The following HADHA variants were observed in gnomAD, a reference collection of about 807,000 sequenced individuals.
HADHA encodes the protein trifunctional enzyme subunit alpha, mitochondrial.
A neutral mutation model predicts 91.3 loss-of-function variants in HADHA; 59 were observed. The observed-to-expected ratio is 0.65, with a 90% CI of 0.52 to 0.80. HADHA has a LOEUF of 0.80. Among genes scored for constraint, HADHA ranks in the 30% least tolerant of loss-of-function variants. The pLI is 0.00. For missense variants in HADHA, 800 were observed against 927.6 expected, an observed-to-expected ratio of 0.86 and a Z score of 1.79; for synonymous variants, 320 against 338.9, an observed-to-expected ratio of 0.94 and a Z score of 0.61.
chr2:26,224,539 G>C (rs1456758555), intron 7 of HADHA, among the ~76,000 whole-genome samples: 1 of 152,072 alleles, frequency 6.6e-6, no homozygotes, highest in Admixed American at 6.5e-5. Flanking sequence ...ATCCATAATG[G>C]TTAACTTTAT....
chr2:26,239,022 A>G lies in HADHA; in HGVS notation c.110-18T>C. The G allele has an allele frequency of 1.3e-6, 2 of 1,589,278 alleles. No homozygotes were observed. Among genetic ancestry groups the G allele is most frequent in the Non-Finnish European group, 1.7e-6 (2 of 1,157,376 alleles). Reference sequence around the variant, plus strand: ...GGTTCTGGCTAAAAAGAAAAGAAAGATTTATTTGTAAACATATTTATTGCA... The same window carrying G: ...GGTTCTGGCTAAAAAGAAAAGAAAGGTTTATTTGTAAACATATTTATTGCA... On this transcript the variant is annotated intron_variant, in intron 2 of 19. Transcript: ENST00000380649.
At chr2:26,206,914 T>C (rs1669984361) in intron 11 of HADHA, among the ~76,000 whole-genome samples, 1 of 152,118 alleles carries the variant, frequency 6.6e-6, no homozygotes, top group Non-Finnish European at 1.5e-5. Flanking sequence ...ACCATAAGTA[T>C]AGGCCAGGCA....
intron 14 of HADHA, 148 bp from the exon 15 acceptor site, chr2:26,195,380 G>A: frequency 2.6e-6 from 2 of 765,144 alleles, no homozygotes. Context: ...GGTTCCATGG[G>A]TCTTTGATAA....
At chr2:26,211,842 T>TTCC (rs1189715612) in intron 10 of HADHA, 1 of 152,514 alleles carries the variant, frequency 6.6e-6, no homozygotes, top group African/African-American at 2.4e-5. Context: ...TACAAGATAC[T>TTCC]TCCTTTCCTT....
chr2:26,225,674 G>C (rs977905919), intron 7 of HADHA, among the ~76,000 whole-genome samples: 1 of 152,062 alleles, frequency 6.6e-6, no homozygotes, highest in Non-Finnish European at 1.5e-5. Context: ...TGGAGAAAAG[G>C]CATGACAAAA....
At chr2:26,192,968 C>T (rs1574601703) in intron 17 of HADHA, among the ~76,000 whole-genome samples, 1 of 152,056 alleles carries the variant, frequency 6.6e-6, no homozygotes, top group Non-Finnish European at 1.5e-5. Context: ...TTTAACATCC[C>T]CATATGCAGC....
rs187169068 is a variant in HADHA at position 26,231,557 on chromosome 2, A to G, written c.573+603T>C. Among the ~76,000 whole-genome samples, 150 of 152,350 alleles carry G rather than the reference A, an allele frequency of 9.8e-4. 1 individual carries two copies. The highest frequency in any genetic ancestry group is 3.4e-3 in the African/African-American group (143 of 41,582). Reference sequence around the variant, plus strand: ...GACTCATGGTTTTGAAAAACTGTTAAGATGGTATTATGTGGAAAAGGAACC... The same window carrying G: ...GACTCATGGTTTTGAAAAACTGTTAGGATGGTATTATGTGGAAAAGGAACC... On this transcript the variant is annotated intron_variant, in intron 6 of 19. Coordinates refer to ENST00000380649, the MANE Select transcript of HADHA (RefSeq NM_000182.5).
intron 7 of HADHA, among the ~76,000 whole-genome samples, chr2:26,227,772 C>A (rs1328953189): frequency 2.0e-5 from 3 of 151,804 alleles, no homozygotes; most frequent in African/African-American, 7.3e-5. Flanking sequence ...GAGTCTGAGG[C>A]CAGCCTGGGT....
At chr2:26,219,822 G>C (rs936121433) in intron 7 of HADHA, among the ~76,000 whole-genome samples, 1 of 152,120 alleles carries the variant, frequency 6.6e-6, no homozygotes, top group Non-Finnish European at 1.5e-5. Flanking sequence ...AAATAGATGG[G>C]CAGTCTACTA....
chr2:26,194,376 A>G (rs553760677), intron 16 of HADHA, among the ~76,000 whole-genome samples, 194 bp downstream of exon 16: 2 of 152,244 alleles, frequency 1.3e-5, no homozygotes, highest in East Asian at 1.9e-4. Context: ...GGCAGAGGGA[A>G]AGCTCTGCCC....
chr2:26,197,414 C>G (rs1669705260), intron 14 of HADHA, among the ~76,000 whole-genome samples: 1 of 152,202 alleles, frequency 6.6e-6, no homozygotes, highest in Non-Finnish European at 1.5e-5. Flanking sequence ...TAAGGCCTAT[C>G]CTTCAATGCC....
chr2:26,236,894 G>A lies in HADHA; in HGVS notation c.275C>T (p.Ser92Leu). The A allele has an allele frequency of 6.2e-7, 1 of 1,611,990 alleles. No individual in the cohort carries two copies. The highest frequency in any genetic ancestry group is 1.3e-5 in the African/African-American group (1 of 74,996). ...TGCAATAAAGCAGCCTGGCTTTGAT[G>A]AGATAAGGACGGCACTTCTGATTTG... is the stretch of plus-strand genomic sequence containing the variant. The part of the protein sequence containing the change: ...SDQIRSAVLI[S>L]SKPGCFIAGA... The change falls in exon 4 of 20, where the codon TCA (serine) becomes TTA (leucine). Residue 92 changes from serine to leucine, a missense_variant. Transcript: ENST00000380649.
Position 26,193,663 on chromosome 2 carries a change from G to A in HADHA, c.1799C>T (p.Ala600Val), listed in dbSNP as rs774863362. ...EVGVDVAKHV[A>V]EDLGKVFGER... ...CCCAAAGACTTTGCCCAGATCTTCCGCCACATGTTTCGCTACATCCACACC... is the reference window on the plus strand; with the variant it reads ...CCCAAAGACTTTGCCCAGATCTTCCACCACATGTTTCGCTACATCCACACC... Residue 600 changes from alanine (A) to valine (V), a missense_variant, in exon 17 of 20, where the codon GCG becomes GTG. Ala to Val is a moderately conservative substitution (Grantham distance 64, BLOSUM62 0). Coordinates refer to ENST00000380649, the MANE Select transcript of HADHA (RefSeq NM_000182.5). 30 of 1,613,952 alleles carry A rather than the reference G, an allele frequency of 1.9e-5. No homozygotes were observed. The highest frequency in any genetic ancestry group is 2.2e-5 in the Non-Finnish European group (26 of 1,179,874).
Position 26,193,558 on chromosome 2 carries a change from T to C in HADHA, c.1885+19A>G, listed in dbSNP as rs752213744. ...TTTGTAACTAATGGTGCTAGTTATG[T>C]TTCCTTGAGGCTACTCACCTAGGAA... On this transcript the variant is annotated intron_variant, in intron 17 of 19. Coordinates refer to ENST00000380649, the MANE Select transcript of HADHA (RefSeq NM_000182.5). 4 of 1,596,234 alleles carry C rather than the reference T, an allele frequency of 2.5e-6. No individual in the cohort carries two copies. The highest frequency in any genetic ancestry group is 2.7e-5 in the African/African-American group (2 of 74,586).
At position 26,214,984 on chromosome 2, in the gene HADHA, A is replaced by T; in HGVS notation, c.799+69T>A. ...TGCATTTACCACTTCCTCATTTTGA[A>T]TCTACAGCAAATAAAATTAAATTCT... On this transcript the variant is annotated intron_variant, in intron 8 of 19. Coordinates refer to ENST00000380649, the MANE Select transcript of HADHA (RefSeq NM_000182.5). The surrounding 1 kb of genome is among the most constrained non-coding windows in gnomAD (Gnocchi z 4.1). 7.3e-7 allele frequency: 1 copy of T among 1,368,918 alleles called. No homozygotes were observed. Among genetic ancestry groups the T allele is most frequent in the Middle Eastern group, 2.4e-4 (1 of 4,174 alleles). The allele number at this position is 1,368,918 out of a possible 1,614,324, so 84.8% of individuals were successfully genotyped here.
At chr2:26,234,454 A>G (rs1670699324) in intron 4 of HADHA, 99 bp from the exon 5 acceptor site, 1 of 1,010,480 alleles carries the variant, frequency 9.9e-7, no homozygotes, top group South Asian at 1.3e-5. Context: ...TCATGCATCA[A>G]TATTTGATGA....
intron 17 of HADHA, among the ~76,000 whole-genome samples, chr2:26,193,218 A>G (rs551278827): frequency 6.6e-6 from 1 of 151,718 alleles, no homozygotes; most frequent in African/African-American, 2.4e-5. Flanking sequence ...AGGTGATGCT[A>G]GAGCCCCAGA....
At chr2:26,231,685 G>A (rs1009779443) in intron 6 of HADHA, among the ~76,000 whole-genome samples, 16 of 152,214 alleles carry the variant, frequency 1.1e-4, no homozygotes, top group African/African-American at 3.9e-4. Flanking sequence ...TGTGGAATTA[G>A]GCCAGGCATG....
rs1451443100 is a variant in HADHA at position 26,215,045 on chromosome 2, A to T, written c.799+8T>A. ...GCTTTGCCTTTGTTCTTTAACAATG[A>T]TACTCACTTTCCACCAATCCCTTGT... On this transcript the variant is annotated splice_region_variant and intron_variant, in intron 8 of 19. Coordinates refer to ENST00000380649, the MANE Select transcript of HADHA (RefSeq NM_000182.5). 1.2e-6 allele frequency: 2 copies of T among 1,607,762 alleles called. No individual in the cohort carries two copies. The highest frequency in any genetic ancestry group is 3.3e-5 in the Admixed American group (2 of 60,024).
Sources: gnomAD v4.1 joint callset for allele counts (sites outside exome capture counted in the v4.1 genomes callset) on GRCh38, gnomAD v4.1.1 for gene constraint, Gnocchi (gnomAD v3.1) non-coding constraint, MANE v1.5 for transcripts, NCBI Gene and HGNC (gene_info 2026-07-23, HGNC 2026-07-21) for gene names.